PEX5: variants seen among roughly 807,000 people sequenced by gnomAD.
PEX5 encodes the protein PTS1 receptor.
A neutral mutation model predicts 82.9 loss-of-function variants in PEX5; 52 were observed. That is an observed-to-expected ratio of 0.63 (90% confidence interval 0.50 to 0.79). PEX5 has a LOEUF of 0.79. PEX5 is among the 30% of genes least tolerant of loss of function. The pLI, the probability that PEX5 is intolerant of heterozygous loss-of-function variation, is 0.00. For missense variants in PEX5, 719 were observed against 815.2 expected (o/e 0.88, Z 1.44); for synonymous variants, 300 against 318.8 (o/e 0.94, Z 0.63).
rs1420670016 is a variant in PEX5 at position 7,197,510 on chromosome 12, GTAA to G, written c.449-1496_449-1494del. 2.8e-4 allele frequency among the ~76,000 whole-genome samples: 32 copies of G among 115,366 alleles called. 2 individuals are homozygous for G. The highest frequency in any genetic ancestry group is 1.3e-3 in the East Asian group (6 of 4,568). The allele number at this position is 115,366 out of a possible 152,430, so 75.7% of individuals were successfully genotyped here. On this transcript the variant is annotated intron_variant, in intron 5 of 15. Coordinates refer to ENST00000675855, the MANE Select transcript of PEX5 (RefSeq NM_001351132.2). ...AATAATTATATATGTTATATATAATGTAATAATTATATGTTATATATAATGTAA... is the reference window on the plus strand; with the variant it reads ...AATAATTATATATGTTATATATAATGTAATTATATGTTATATATAATGTAA...
chr12:7,208,803 G>A, intron 13 of PEX5, 134 bp downstream of exon 13: 1 of 908,446 alleles, frequency 1.1e-6, no homozygotes, highest in Non-Finnish European at 1.8e-6. Context: ...CTAGGATCAA[G>A]TTGAAGGAGG....
At chr12:7,208,390 C>T in intron 12 of PEX5, 67 bp from the exon 13 acceptor site, 1 of 1,190,450 alleles carries the variant, frequency 8.4e-7, no homozygotes, top group Non-Finnish European at 1.2e-6. Context: ...GCTTGGATCC[C>T]AGGGTGCTCA....
At chr12:7,208,920 G>C (rs117808726) in intron 13 of PEX5, 85 bp from the exon 14 acceptor site, 13,093 of 1,213,658 alleles carry the variant, frequency 0.011, 95 homozygotes, top group Non-Finnish European at 0.014. Flanking sequence ...TTGGGGATAT[G>C]GTTGATCAAT....
chr12:7,206,897 G>C (rs993182649), intron 10 of PEX5, among the ~76,000 whole-genome samples: 1 of 152,168 alleles, frequency 6.6e-6, no homozygotes, highest in Non-Finnish European at 1.5e-5. Flanking sequence ...AGATTTTGCA[G>C]CTTACTAGTG....
intron 2 of PEX5, 27 bp from the exon 3 acceptor site, chr12:7,190,861 T>C (rs772059697): frequency 2.5e-6 from 4 of 1,609,672 alleles, no homozygotes; most frequent in Non-Finnish European, 3.4e-6. Flanking sequence ...AACTGCGTCA[T>C]TGTACATCTC....
At chr12:7,206,290 A>G (rs989940910) in intron 10 of PEX5, among the ~76,000 whole-genome samples, 1 of 152,268 alleles carries the variant, frequency 6.6e-6, no homozygotes, top group Non-Finnish European at 1.5e-5. Context: ...AGTGAAAATT[A>G]TATAAAATTC....
chr12:7,198,522 G>C lies in PEX5; in HGVS notation c.449-489G>C, dbSNP rs1213657704. On this transcript the variant is annotated intron_variant, in intron 5 of 15. Coordinates refer to ENST00000675855, the MANE Select transcript of PEX5 (RefSeq NM_001351132.2). ...AGCATTCCACTTCTCTGATTCTCTT[G>C]GTAGGCAAATTACAATGAAATAAGG... is the stretch of plus-strand genomic sequence containing the variant. Among the ~76,000 whole-genome samples, 3 of 152,056 alleles carry C rather than the reference G, an allele frequency of 2.0e-5. No homozygotes were observed. The East Asian group carries it at 5.8e-4, about 29-fold the overall frequency.
At chr12:7,190,737 G>A in intron 2 of PEX5, 151 bp from the exon 3 acceptor site, 1 of 1,325,618 alleles carries the variant, frequency 7.5e-7, no homozygotes, top group Non-Finnish European at 1.1e-6. Flanking sequence ...CACTTACTGA[G>A]CGTTTATAAA....
chr12:7,207,753 C>T lies in PEX5; in HGVS notation c.1061C>T (p.Ala354Val). ...RRLQEGDLPN[A>V]VLLFEAAVQQ... ...CTTCAGGAGGGGGACCTGCCAAATG[C>T]TGTGCTGCTTTTTGAGGCAGCTGTG... Residue 354 changes from alanine to valine, a missense_variant, in exon 11 of 16, where the codon GCT becomes GTT. Physicochemically the swap from Ala to Val is moderately conservative, Grantham distance 64. Transcript: ENST00000675855. 1 of 1,614,106 alleles carries T rather than the reference C, an allele frequency of 6.2e-7. No homozygotes were observed. The highest frequency in any genetic ancestry group is 8.5e-7 in the Non-Finnish European group (1 of 1,179,990).
downstream of PEX5, among the ~76,000 whole-genome samples, chr12:7,214,604 A>C (rs965868533): frequency 6.8e-6 from 1 of 147,912 alleles, no homozygotes; most frequent in Admixed American, 6.7e-5. Flanking sequence ...ATTAGGAGAT[A>C]TACCTAATGC....
At chr12:7,213,273 A>G (rs766828625), downstream of PEX5, among the ~76,000 whole-genome samples, 3 of 152,168 alleles carry the variant, frequency 2.0e-5, no homozygotes, top group African/African-American at 4.8e-5. Context: ...CACCAAGTCA[A>G]TCCTAAGCCA....
At chr12:7,199,640 A>G (rs1943384682) in intron 6 of PEX5, among the ~76,000 whole-genome samples, 1 of 151,008 alleles carries the variant, frequency 6.6e-6, no homozygotes, top group Non-Finnish European at 1.5e-5. Context: ...GGATTTCTCA[A>G]TCTTTTCCCC....
Position 7,189,742 on chromosome 12 carries a change from C to T in PEX5, c.-25C>T, listed in dbSNP as rs748832053. 2 of 414,764 alleles carry T rather than the reference C, an allele frequency of 4.8e-6. No individual in the cohort carries two copies. Among genetic ancestry groups the T allele is most frequent in the East Asian group, 7.8e-5 (2 of 25,602 alleles). The allele number at this position is 414,764 out of a possible 1,614,324, so 25.7% of individuals were successfully genotyped here. On this transcript the variant is annotated 5_prime_UTR_variant, in exon 1 of 16. Transcript: ENST00000675855. ...TGCCCCGGCGGGTCGTGCGGCGCGG[C>T]GCTCCGCGGTGAGCGCCTGACCCCG...
chr12:7,195,206 C>G (rs76578746), intron 5 of PEX5, among the ~76,000 whole-genome samples: 1 of 152,086 alleles, frequency 6.6e-6, no homozygotes, highest in Non-Finnish European at 1.5e-5. Context: ...GAGTAAACAA[C>G]GAGAAATTAT....
chr12:7,211,608 G>T (rs1945575189), downstream of PEX5: 1 of 152,116 alleles, frequency 6.6e-6, no homozygotes, highest in African/African-American at 2.4e-5. Flanking sequence ...CTCTAAAAAT[G>T]ATAGAGCACA....
intron 10 of PEX5, 107 bp from the exon 11 acceptor site, chr12:7,207,552 C>A: frequency 9.5e-7 from 1 of 1,057,814 alleles, no homozygotes; most frequent in Non-Finnish European, 1.5e-6. Flanking sequence ...AATTCCGGAA[C>A]CTGTTTGGAG....
chr12:7,195,865 C>G (rs1457842699), intron 5 of PEX5, among the ~76,000 whole-genome samples: 3 of 150,808 alleles, frequency 2.0e-5, no homozygotes, highest in Non-Finnish European at 4.4e-5. Flanking sequence ...TTTCCGTCTC[C>G]ACACTTGAGG....
chr12:7,204,088 G>A (rs753208866), intron 10 of PEX5, among the ~76,000 whole-genome samples: 1 of 152,308 alleles, frequency 6.6e-6, no homozygotes, highest in Admixed American at 6.5e-5. Flanking sequence ...AAAGATGATT[G>A]CATTTTGCCT....
At chr12:7,215,908 C>CTT, downstream of PEX5, among the ~76,000 whole-genome samples, 3 of 151,978 alleles carry the variant, frequency 2.0e-5, no homozygotes, top group African/African-American at 7.3e-5. Context: ...AAACAAAAGC[C>CTT]ATTTTACAAA....
Sources: gnomAD v4.1 joint callset for allele counts (sites outside exome capture counted in the v4.1 genomes callset) on GRCh38, gnomAD v4.1.1 for gene constraint, MANE v1.5 for transcripts, NCBI Gene and HGNC (gene_info 2026-07-23, HGNC 2026-07-21) for gene names.